The following PPP6R2 variants were observed in gnomAD, a reference collection of about 807,000 sequenced individuals.
PPP6R2 encodes protein phosphatase 6 regulatory subunit 2.
A neutral mutation model predicts 100.2 loss-of-function variants in PPP6R2; 62 were observed. The ratio of observed to expected loss-of-function variants is 0.62; its 90% CI spans 0.50 to 0.76. PPP6R2 has a LOEUF of 0.76. PPP6R2 is among the 30% of genes least tolerant of loss of function. The pLI is 0.00. For synonymous variants in PPP6R2, 525 were observed against 514.7 expected (o/e 1.02, Z -0.27); for missense variants, 1,142 against 1,276.3 (o/e 0.89, Z 1.60).
rs567517922 is a variant in PPP6R2, at chr22:50,412,242, A to T, written c.415-2310A>T. Among the ~76,000 whole-genome samples the T allele has an allele frequency of 1.3e-4, 20 of 151,846 alleles. 2 individuals carry two copies. Among genetic ancestry groups the T allele is most frequent in the African/African-American group, 4.6e-4 (19 of 41,448 alleles). ...ACTCTCACTCTATCCCCCAGGCTGG[A>T]GTGCAGTGGTGTGATCTCGGCTCAC... On this transcript the variant is annotated intron_variant, in intron 4 of 23. Transcript: ENST00000612753.
Position 50,384,929 on chromosome 22 carries a change from A to G in PPP6R2, c.-16-8964A>G, listed in dbSNP as rs2053900561. 2.6e-5 allele frequency among the ~76,000 whole-genome samples: 4 copies of G among 151,930 alleles called. 1 individual carries two copies. The highest frequency in any genetic ancestry group is 2.6e-4 in the Admixed American group (4 of 15,236). ...CTAATCTTGTTTTGTTTTGTTTTCC[A>G]TAGAGACAGGGTCTTGCCATGTCTA... On this transcript the variant is annotated intron_variant, in intron 2 of 23. Transcript: ENST00000612753.
rs200620861 is a variant in PPP6R2 at position 50,379,012 on chromosome 22, AC to A, written c.-17+6863del. ...TTAGTCCCTTTTGCCATGTGAGGAC[AC>A]AGTGGAGGCACCATCTGTGAAAATT... is the stretch of plus-strand genomic sequence containing the variant. On this transcript the variant is annotated intron_variant, in intron 2 of 23. Transcript: ENST00000612753. Among the ~76,000 whole-genome samples the A allele has an allele frequency of 3.1e-3, 473 of 152,304 alleles. 7 individuals are homozygous for A. In the East Asian group the frequency reaches 0.051, roughly 16 times the overall value.
Position 50,444,330 on chromosome 22 carries a change from TTTTTTAA to T in PPP6R2, c.*87_*93del. On this transcript the variant is annotated 3_prime_UTR_variant, in exon 24 of 24. Transcript: ENST00000612753. ...ACTACCTGGTGATGCAATCTTTTTT[TTTTTTAA>T]TTTAATTTAATTTTAAAATAAATGC... 1.4e-6 allele frequency: 2 copies of T among 1,427,774 alleles called. No homozygotes were observed. The highest frequency in any genetic ancestry group is 9.5e-7 in the Non-Finnish European group (1 of 1,058,022). 88.4% of individuals were successfully genotyped at this position (1,427,774 alleles called of 1,614,324 possible).
intron 1 of PPP6R2, among the ~76,000 whole-genome samples, chr22:50,355,317 A>G (rs2046261193): frequency 6.8e-6 from 1 of 147,034 alleles, no homozygotes; most frequent in Admixed American, 6.9e-5. Flanking sequence ...GGCTCACTGC[A>G]AGCTCCGCCT....
chr22:50,379,813 G>A (rs1445671011), intron 2 of PPP6R2, among the ~76,000 whole-genome samples: 2 of 151,938 alleles, frequency 1.3e-5, no homozygotes, highest in African/African-American at 4.8e-5. Context: ...CTTGGAAGTT[G>A]ACATTGCCGT....
intron 10 of PPP6R2, among the ~76,000 whole-genome samples, chr22:50,427,016 G>C (rs942317359): frequency 1.3e-5 from 2 of 151,344 alleles, no homozygotes; most frequent in African/African-American, 4.9e-5. Flanking sequence ...GTGAAACCCC[G>C]TCTCTGCTAA....
chr22:50,341,866 G>C (rs975921763), upstream of PPP6R2, among the ~76,000 whole-genome samples: 2 of 152,162 alleles, frequency 1.3e-5, no homozygotes, highest in African/African-American at 4.8e-5. Context: ...GGTGGCGGGC[G>C]CCTGTAGTCC....
In PPP6R2 at chr22:50,384,035, CA is replaced by C. The variant is rs547396966; in HGVS notation, c.-16-9839del. 3.2e-3 allele frequency among the ~76,000 whole-genome samples: 244 copies of C among 75,916 alleles called. 2 individuals are homozygous for C. Among genetic ancestry groups the C allele is most frequent in the South Asian group, 0.015 (38 of 2,520 alleles). 49.8% of individuals were successfully genotyped at this position (75,916 alleles called of 152,430 possible). A position where few individuals can be genotyped will look rare whatever the true frequency, so the allele number is the denominator to read the frequency against. On this transcript the variant is annotated intron_variant, in intron 2 of 23. Coordinates refer to ENST00000612753, the MANE Select transcript of PPP6R2 (RefSeq NM_001242898.2). ...TGGGCGGCTGAGCGAGACTCCATCT[CA>C]AAAAAAAAAAAAAAAAAAGAAGGAT...
chr22:50,349,478 G>C (rs913285609), intron 1 of PPP6R2, among the ~76,000 whole-genome samples: 1 of 151,500 alleles, frequency 6.6e-6, no homozygotes, highest in Admixed American at 6.6e-5. Flanking sequence ...AGACCAGCCT[G>C]AGCAACATAG....
chr22:50,338,209 GGT>G, the PPP6R2 span, among the ~76,000 whole-genome samples: 11 of 136,266 alleles, frequency 8.1e-5, no homozygotes, highest in African/African-American at 2.4e-4. Context: ...GTGTGTCGGG[GGT>G]GTGTGTGGTG....
At chr22:50,387,464 CT>C (rs2054486155) in intron 2 of PPP6R2, among the ~76,000 whole-genome samples, 1 of 152,164 alleles carries the variant, frequency 6.6e-6, no homozygotes, top group Non-Finnish European at 1.5e-5. Context: ...CCCCGGTGGA[CT>C]ATGCTCAGGA....
chr22:50,373,434 G>A (rs994533534), intron 2 of PPP6R2, among the ~76,000 whole-genome samples: 4 of 151,610 alleles, frequency 2.6e-5, no homozygotes, highest in East Asian at 3.9e-4. Flanking sequence ...TAGTAGAGAC[G>A]GCATTTCACC....
At chr22:50,365,719 T>G (rs1421877788) in intron 1 of PPP6R2, among the ~76,000 whole-genome samples, 1 of 143,264 alleles carries the variant, frequency 7.0e-6, no homozygotes, top group Non-Finnish European at 1.5e-5. Flanking sequence ...TCCTTATCAA[T>G]TCTTTATTTA....
intron 4 of PPP6R2, among the ~76,000 whole-genome samples, chr22:50,410,342 C>T (rs1332712044): frequency 1.3e-5 from 2 of 152,186 alleles, no homozygotes; most frequent in Admixed American, 1.3e-4. Flanking sequence ...CACAGCAGCA[C>T]AGCTGGTAGC....
the PPP6R2 span, among the ~76,000 whole-genome samples, chr22:50,337,956 T>C: frequency 7.8e-6 from 1 of 128,338 alleles, no homozygotes; most frequent in African/African-American, 3.0e-5. Context: ...GTGATGTGTG[T>C]GGTGTGTGTG....
intron 22 of PPP6R2, chr22:50,443,558 A>G (rs2066339377): frequency 4.9e-6 from 2 of 409,340 alleles, no homozygotes; most frequent in East Asian, 4.1e-5. Flanking sequence ...AGTTGAGATC[A>G]TAGCACAGGA....
intron 4 of PPP6R2, among the ~76,000 whole-genome samples, chr22:50,410,596 C>T (rs901509552): frequency 6.7e-6 from 1 of 148,660 alleles, no homozygotes; most frequent in Non-Finnish European, 1.5e-5. Flanking sequence ...CATGGATTCT[C>T]GTGCCTCAGC....
chr22:50,437,483 C>CCA, intron 15 of PPP6R2, 23 bp from the exon 16 acceptor site: 3 of 734,948 alleles, frequency 4.1e-6, no homozygotes, highest in Non-Finnish European at 5.0e-6. Context: ...CTGTCCGTCC[C>CCA]TCCCTCCCTC....
chr22:50,389,165 C>A (rs939184479), intron 2 of PPP6R2: 1 of 152,188 alleles, frequency 6.6e-6, no homozygotes, highest in Non-Finnish European at 1.5e-5. Flanking sequence ...AGATGGACCA[C>A]TGAGGATGGG....
Sources: gnomAD v4.1 joint callset for allele counts (sites outside exome capture counted in the v4.1 genomes callset) on GRCh38, gnomAD v4.1.1 for gene constraint, MANE v1.5 for transcripts, NCBI Gene and HGNC (gene_info 2026-07-23, HGNC 2026-07-21) for gene names.